CUL9: variants seen among roughly 807,000 people sequenced by gnomAD.
The protein encoded by CUL9 is cullin-9.
A neutral mutation model predicts 272.6 loss-of-function variants in CUL9; 79 were observed. The ratio of observed to expected loss-of-function variants is 0.29; its 90% CI spans 0.24 to 0.35. CUL9 has a LOEUF of 0.35. Ranked by LOEUF, CUL9 falls within the 10% of genes least tolerant of loss-of-function variation. The probability of loss-of-function intolerance (pLI) is 1.00; values close to 1 mark genes in which losing one functional copy is unlikely to be tolerated. For missense variants in CUL9, 2,532 were observed against 3,255.6 expected, an observed-to-expected ratio of 0.78 and a Z score of 5.41; for synonymous variants, 1,186 against 1,286.5, an observed-to-expected ratio of 0.92 and a Z score of 1.67.
chr6:43,221,669 C>A lies in CUL9; in HGVS notation c.6753-16C>A, dbSNP rs774592011. The A allele has an allele frequency of 1.5e-4, 237 of 1,609,658 alleles. No homozygotes were observed. Among genetic ancestry groups the A allele is most frequent in the Non-Finnish European group, 1.9e-4 (228 of 1,177,966 alleles). On this transcript the variant is annotated splice_polypyrimidine_tract_variant and intron_variant, in intron 34 of 40. Coordinates refer to ENST00000252050, the MANE Select transcript of CUL9 (RefSeq NM_015089.4). This position sits in a 1 kb window ranked among gnomAD's most constrained non-coding sequence, Gnocchi z 4.2. ...CCCAGAGGCAGGAGTCCCTGACCAG[C>A]CAGCTTCCTCCATAGCATGACCTGT...
rs1246070632 is a variant in CUL9, at chr6:43,187,437, G to A, written c.1579G>A (p.Glu527Lys). 3 of 1,613,942 alleles carry A rather than the reference G, an allele frequency of 1.9e-6. No homozygotes were observed. The highest frequency in any genetic ancestry group is 2.5e-6 in the Non-Finnish European group (3 of 1,179,850). ...IFQNLWKNLD[E>K]TLGEKALGEI... Reference sequence around the variant, plus strand: ...CCAGAATCTTTGGAAGAACCTGGATGAGGTATTATAGGTCTGAGATACCTG... The same window carrying A: ...CCAGAATCTTTGGAAGAACCTGGATAAGGTATTATAGGTCTGAGATACCTG... Residue 527 changes from glutamate (E) to lysine (K), a missense_variant and splice_region_variant, in exon 6 of 41, where the codon GAG (glutamate) becomes AAG (lysine). Physicochemically the swap from Glu to Lys is moderately conservative, Grantham distance 56. Coordinates refer to ENST00000252050, the MANE Select transcript of CUL9 (RefSeq NM_015089.4).
intron 31 of CUL9, among the ~76,000 whole-genome samples, chr6:43,217,673 C>T (rs1421028874): frequency 6.6e-6 from 1 of 152,174 alleles, no homozygotes; most frequent in African/African-American, 2.4e-5. Context: ...TTTCTCTTTC[C>T]CTTTGGCTGT....
intron 8 of CUL9, 21 bp downstream of exon 8, chr6:43,188,736 A>G: frequency 6.4e-7 from 1 of 1,572,780 alleles, no homozygotes. Flanking sequence ...TGGGGAGGGA[A>G]GAGGTTTTGG....
At chr6:43,189,474 G>A (rs756210998) in intron 8 of CUL9, among the ~76,000 whole-genome samples, 3 of 151,808 alleles carry the variant, frequency 2.0e-5, no homozygotes, top group Non-Finnish European at 4.4e-5. Flanking sequence ...GTGAGCCACC[G>A]CGTCCAGCCC....
rs530473844 is a variant in CUL9, at chr6:43,185,344, G to A, written c.596-112G>A. The A allele has an allele frequency of 3.7e-5, 39 of 1,042,776 alleles. No individual in the cohort carries two copies. The Middle Eastern group carries it at 1.8e-3, about 47-fold the overall frequency. The allele number at this position is 1,042,776 out of a possible 1,614,324, so 64.6% of individuals were successfully genotyped here. A position where few individuals can be genotyped will look rare whatever the true frequency, so the allele number is the denominator to read the frequency against. On this transcript the variant is annotated intron_variant, in intron 2 of 40. Coordinates refer to ENST00000252050, the MANE Select transcript of CUL9 (RefSeq NM_015089.4). ...CCATGTAAAATGTATTTCTTTCTGT[G>A]AGCCTTAGTAACAAAGTTTGAAAGC...
At chr6:43,190,627 G>A (rs1265682042) in intron 8 of CUL9, among the ~76,000 whole-genome samples, 1 of 152,140 alleles carries the variant, frequency 6.6e-6, no homozygotes, top group African/African-American at 2.4e-5. Context: ...CTAGTCATAT[G>A]TATTACCCAT....
Position 43,203,745 on chromosome 6 carries a change from A to G in CUL9, c.4026-109A>G. ...TGAGAAGTTTGTGTTAATTGGGAAAAGTTGGGTCAGGGACCGAACAGGGGT... is the reference window on the plus strand; with the variant it reads ...TGAGAAGTTTGTGTTAATTGGGAAAGGTTGGGTCAGGGACCGAACAGGGGT... On this transcript the variant is annotated intron_variant, in intron 19 of 40. Transcript: ENST00000252050. This position sits in a 1 kb window ranked among gnomAD's most constrained non-coding sequence, Gnocchi z 5.0. 6.6e-7 allele frequency: 1 copy of G among 1,518,574 alleles called. No individual in the cohort carries two copies. Among genetic ancestry groups the G allele is most frequent in the Non-Finnish European group, 8.9e-7 (1 of 1,127,720 alleles). The allele number at this position is 1,518,574 out of a possible 1,614,324, so 94.1% of individuals were successfully genotyped here. A position where few individuals can be genotyped will look rare whatever the true frequency, so the allele number is the denominator to read the frequency against.
Position 43,221,932 on chromosome 6 carries a change from C to T in CUL9, c.6846+154C>T. ...GTGGGGAAGACAGAGCCACCTGGGC[C>T]TGCAGATGCTGGAAAGTCTGTTCAC... is the stretch of plus-strand genomic sequence containing the variant. On this transcript the variant is annotated intron_variant, in intron 35 of 40. Coordinates refer to ENST00000252050, the MANE Select transcript of CUL9 (RefSeq NM_015089.4). The surrounding 1 kb of genome is among the most constrained non-coding windows in gnomAD (Gnocchi z 4.2). 1.6e-6 allele frequency: 1 copy of T among 643,056 alleles called. No individual in the cohort carries two copies. Among genetic ancestry groups the T allele is most frequent in the African/African-American group, 1.8e-5 (1 of 54,768 alleles). 39.8% of individuals were successfully genotyped at this position (643,056 alleles called of 1,614,324 possible).
rs1483795201 is a variant in CUL9, at chr6:43,223,222, G to C, written c.7151-42G>C. 7 of 1,561,774 alleles carry C rather than the reference G, an allele frequency of 4.5e-6. No homozygotes were observed. The Admixed American group carries it at 9.1e-5, about 20-fold the overall frequency. ...GTTTGTTGGAGGAAGGAATGGATGA[G>C]AATGAGAAGGGAGGGAGCCTCTGTG... On this transcript the variant is annotated intron_variant, in intron 38 of 40. Transcript: ENST00000252050. This position sits in a 1 kb window ranked among gnomAD's most constrained non-coding sequence, Gnocchi z 4.1.
In CUL9 at chr6:43,224,587, A is replaced by G; in HGVS notation, c.*142A>G. 2 of 792,098 alleles carry G rather than the reference A, an allele frequency of 2.5e-6. No homozygotes were observed. The highest frequency in any genetic ancestry group is 3.9e-6 in the Non-Finnish European group (2 of 516,036). The allele number at this position is 792,098 out of a possible 1,614,324, so 49.1% of individuals were successfully genotyped here. A position where few individuals can be genotyped will look rare whatever the true frequency, so the allele number is the denominator to read the frequency against. On this transcript the variant is annotated 3_prime_UTR_variant, in exon 41 of 41. Coordinates refer to ENST00000252050, the MANE Select transcript of CUL9 (RefSeq NM_015089.4). This position sits in a 1 kb window ranked among gnomAD's most constrained non-coding sequence, Gnocchi z 4.2. ...GAATAAAGGTCTCTTTCTCACACAC[A>G]TCTCTGGGAGCAGGCTGACAGCTTC...
At position 43,215,391 on chromosome 6, in the gene CUL9, C is replaced by T. The variant is rs893056795; in HGVS notation, c.5936+65C>T. On this transcript the variant is annotated intron_variant, in intron 30 of 40. Coordinates refer to ENST00000252050, the MANE Select transcript of CUL9 (RefSeq NM_015089.4). ...GGTGGTCATGCCAAAGCCAAGATCC[C>T]TTGTGGAGAAACACTTCCCTTCTTT... The T allele has an allele frequency of 3.3e-6, 5 of 1,516,494 alleles. No individual in the cohort carries two copies. In the African/African-American group the frequency reaches 4.1e-5, roughly 13 times the overall value. 93.9% of individuals were successfully genotyped at this position (1,516,494 alleles called of 1,614,324 possible). A position where few individuals can be genotyped will look rare whatever the true frequency, so the allele number is the denominator to read the frequency against.
chr6:43,223,346 G>A lies in CUL9; in HGVS notation c.7233G>A (p.Leu2411=). 2 of 1,601,688 alleles carry A rather than the reference G, an allele frequency of 1.2e-6. No individual in the cohort carries two copies. The highest frequency in any genetic ancestry group is 1.7e-6 in the Non-Finnish European group (2 of 1,174,066). ...ACTGCCTCAGCACGGGCATGGAGCT[G>A]CTCCGGCGGATCCAGGAGAGGCTGC... The part of the protein sequence containing the change: ...RADCLSTGME[L]LRRIQERLLA... Residue 2411 remains leucine, a synonymous_variant, in exon 39 of 41, where the codon CTG becomes CTA. Transcript: ENST00000252050. The surrounding 1 kb of genome is among the most constrained non-coding windows in gnomAD (Gnocchi z 4.1).
intron 3 of CUL9, 84 bp from the exon 4 acceptor site, chr6:43,185,871 T>C: frequency 6.7e-7 from 1 of 1,503,212 alleles, no homozygotes; most frequent in East Asian, 2.3e-5. Flanking sequence ...CCTTTATATT[T>C]TTCTGTAGAG....
chr6:43,202,782 G>C lies in CUL9; in HGVS notation c.3714G>C (p.Gly1238=), dbSNP rs1159867730. The C allele has an allele frequency of 6.2e-7, 1 of 1,614,124 alleles. No individual in the cohort carries two copies. Among genetic ancestry groups the C allele is most frequent in the Admixed American group, 1.7e-5 (1 of 60,010 alleles). ...TGCCAGCCAGGGTGGTGGTGTTTGG[G>C]GGTGACAGCACCAGCTGCATCGGCA... is the stretch of plus-strand genomic sequence containing the variant. The part of the protein sequence containing the change: ...SYMPARVVVF[G]GDSTSCIGTE... The change falls in exon 17 of 41, where the codon GGG becomes GGC. Residue 1238 remains glycine (G), a synonymous_variant. Coordinates refer to ENST00000252050, the MANE Select transcript of CUL9 (RefSeq NM_015089.4).
chr6:43,217,313 C>T (rs967512101), intron 31 of CUL9, among the ~76,000 whole-genome samples: 6 of 152,258 alleles, frequency 3.9e-5, no homozygotes, highest in South Asian at 2.1e-4. Context: ...GCCAGTATCT[C>T]GCCACTGCAC....
chr6:43,186,452 G>A lies in CUL9; in HGVS notation c.1248G>A (p.Val416=). The change falls in exon 4 of 41, where the codon GTG becomes GTA. Residue 416 remains valine, a synonymous_variant. Transcript: ENST00000252050. ...FRQSNNGIPP[V]QVFWQSTGRT... ...AGAGCAACAACGGCATTCCCCCTGTGCAGGTGGGCAGCACATGGTGGTGAG... is the reference window on the plus strand; with the variant it reads ...AGAGCAACAACGGCATTCCCCCTGTACAGGTGGGCAGCACATGGTGGTGAG... The A allele has an allele frequency of 6.3e-7, 1 of 1,585,134 alleles. No individual in the cohort carries two copies. The highest frequency in any genetic ancestry group is 8.6e-7 in the Non-Finnish European group (1 of 1,160,820).
At chr6:43,196,481 TG>T in intron 10 of CUL9, 163 bp from the exon 11 acceptor site, 1 of 803,790 alleles carries the variant, frequency 1.2e-6, no homozygotes, top group Admixed American at 2.1e-5. Flanking sequence ...CTTCCCTTTA[TG>T]GGTTTGGGAG....
Position 43,188,606 on chromosome 6 carries a change from T to A in CUL9, c.2071T>A (p.Ser691Thr). 1 of 1,614,210 alleles carries A rather than the reference T, an allele frequency of 6.2e-7. No homozygotes were observed. Among genetic ancestry groups the A allele is most frequent in the Non-Finnish European group, 8.5e-7 (1 of 1,180,032 alleles). ...AGCGGTCGTGGCCACTGTGCAGATA[T>A]CCAGCTTGGACACAAACCTGCAGCT... ...VAAVVATVQI[S>T]SLDTNLQLSG... The change falls in exon 8 of 41, where the codon TCC becomes ACC. Residue 691 changes from serine (S) to threonine (T), a missense_variant. Coordinates refer to ENST00000252050, the MANE Select transcript of CUL9 (RefSeq NM_015089.4).
At chr6:43,215,664 G>A (rs777499222) in intron 30 of CUL9, among the ~76,000 whole-genome samples, 34 of 152,196 alleles carry the variant, frequency 2.2e-4, no homozygotes, top group Non-Finnish European at 3.7e-4. Flanking sequence ...AAGCTGTTAT[G>A]GCCCTGCTTT....
Sources: gnomAD v4.1 joint callset for allele counts (sites outside exome capture counted in the v4.1 genomes callset) on GRCh38, gnomAD v4.1.1 for gene constraint, Gnocchi (gnomAD v3.1) non-coding constraint, MANE v1.5 for transcripts, NCBI Gene and HGNC (gene_info 2026-07-23, HGNC 2026-07-21) for gene names.